SLC10A7: variants seen among roughly 807,000 people sequenced by gnomAD.
SLC10A7 encodes the protein sodium/bile acid cotransporter 7.
SLC10A7 carries 29 observed loss-of-function variants against 43.2 expected under a neutral mutation model. The ratio of observed to expected loss-of-function variants is 0.67; its 90% CI spans 0.50 to 0.92. The LOEUF (loss-of-function observed/expected upper bound fraction) is 0.92. SLC10A7 is among the 40% of genes least tolerant of loss of function. The pLI, the probability that SLC10A7 is intolerant of heterozygous loss-of-function variation, is 0.00. For synonymous variants in SLC10A7, 152 were observed against 144.8 expected (o/e 1.05, Z -0.35); for missense variants, 295 against 403.2 (o/e 0.73, Z 2.30).
intron 6 of SLC10A7, among the ~76,000 whole-genome samples, chr4:146,308,201 C>G (rs564655396): frequency 6.6e-6 from 1 of 152,094 alleles, no homozygotes; most frequent in Non-Finnish European, 1.5e-5. Flanking sequence ...TGAAGACAGA[C>G]GAGGTATGGC....
chr4:146,331,098 C>G (rs1352551468), intron 5 of SLC10A7, among the ~76,000 whole-genome samples: 4 of 152,086 alleles, frequency 2.6e-5, no homozygotes, highest in African/African-American at 9.7e-5. Flanking sequence ...TTCTCTAGGA[C>G]AAAAGTCCTC....
chr4:146,490,916 T>C (rs1735337032), intron 4 of SLC10A7, among the ~76,000 whole-genome samples: 1 of 152,218 alleles, frequency 6.6e-6, no homozygotes, highest in Non-Finnish European at 1.5e-5. Flanking sequence ...TCCTGCCATT[T>C]CTATTAAGGC....
At chr4:146,337,864 AAC>A (rs1435948761) in intron 5 of SLC10A7, among the ~76,000 whole-genome samples, 7 of 151,902 alleles carry the variant, frequency 4.6e-5, no homozygotes, top group African/African-American at 1.5e-4. Flanking sequence ...ATATTTAAGA[AAC>A]AGATTGTAGA....
intron 4 of SLC10A7, among the ~76,000 whole-genome samples, chr4:146,454,366 A>G (rs1004516483): frequency 1.3e-5 from 2 of 151,846 alleles, no homozygotes; most frequent in Non-Finnish European, 2.9e-5. Flanking sequence ...AAATACTATG[A>G]CAATCCCTTT....
intron 10 of SLC10A7, among the ~76,000 whole-genome samples, chr4:146,265,990 A>G (rs1212762737): frequency 6.6e-6 from 1 of 152,238 alleles, no homozygotes; most frequent in Non-Finnish European, 1.5e-5. Flanking sequence ...AGTATACTCC[A>G]ATCACCTGGA....
At chr4:146,433,882 A>T (rs1453469223) in intron 5 of SLC10A7, among the ~76,000 whole-genome samples, 1 of 152,120 alleles carries the variant, frequency 6.6e-6, no homozygotes, top group Non-Finnish European at 1.5e-5. Context: ...TTGGTTCAAC[A>T]TTTCCAGGGG....
chr4:146,409,603 A>T (rs1728016891), intron 5 of SLC10A7, among the ~76,000 whole-genome samples: 1 of 152,136 alleles, frequency 6.6e-6, no homozygotes, highest in South Asian at 2.1e-4. Context: ...AAAAAGGATG[A>T]ATTTTACTCT....
intron 4 of SLC10A7, among the ~76,000 whole-genome samples, chr4:146,491,986 G>A (rs1232806251): frequency 6.6e-6 from 1 of 152,196 alleles, no homozygotes. Flanking sequence ...GGGAGGCTGA[G>A]GCGGGCGGAT....
At chr4:146,397,978 G>A (rs1255618978) in intron 5 of SLC10A7, among the ~76,000 whole-genome samples, 1 of 152,198 alleles carries the variant, frequency 6.6e-6, no homozygotes, top group Non-Finnish European at 1.5e-5. Context: ...GTAAAGCAAA[G>A]TTCGCTCTTC....
intron 1 of SLC10A7, 64 bp downstream of exon 1, chr4:146,521,554 C>T (rs1738662207): frequency 1.4e-6 from 2 of 1,423,086 alleles, no homozygotes; most frequent in African/African-American, 2.8e-5. Context: ...CCCACCTTTC[C>T]AAGACTCACA....
chr4:146,331,105 C>G (rs775415347), intron 5 of SLC10A7, among the ~76,000 whole-genome samples: 1 of 152,068 alleles, frequency 6.6e-6, no homozygotes, highest in Non-Finnish European at 1.5e-5. Flanking sequence ...GGACAAAAGT[C>G]CTCAGTTCCT....
intron 4 of SLC10A7, among the ~76,000 whole-genome samples, chr4:146,455,852 T>A (rs1428533867): frequency 6.6e-6 from 1 of 151,912 alleles, no homozygotes; most frequent in African/African-American, 2.4e-5. Flanking sequence ...AGTTCTTTCC[T>A]TTTCTGACTT....
At position 146,260,886 on chromosome 4, in the gene SLC10A7, C is replaced by T. The variant is rs80027036; in HGVS notation, c.848-2049G>A. Among the ~76,000 whole-genome samples, 241 of 152,002 alleles carry T rather than the reference C, an allele frequency of 1.6e-3. 2 individuals carry two copies. In the East Asian group the frequency reaches 0.024, roughly 15 times the overall value. On this transcript the variant is annotated intron_variant, in intron 10 of 11. Coordinates refer to ENST00000335472, the MANE Select transcript of SLC10A7 (RefSeq NM_001029998.6). Reference sequence around the variant, plus strand: ...CAGGGGCAGTATGGTGTCAAACTCCCGTGCTCGCCACACCAGGACGTCCCT... The same window carrying T: ...CAGGGGCAGTATGGTGTCAAACTCCTGTGCTCGCCACACCAGGACGTCCCT...
chr4:146,478,286 C>T (rs944356308), intron 4 of SLC10A7: 6 of 152,204 alleles, frequency 3.9e-5, no homozygotes, highest in African/African-American at 1.4e-4. Context: ...AGAAATGACA[C>T]CAGGCAAGGA....
chr4:146,409,498 C>G (rs1727995250), intron 5 of SLC10A7, among the ~76,000 whole-genome samples: 1 of 151,894 alleles, frequency 6.6e-6, no homozygotes, highest in Non-Finnish European at 1.5e-5. Context: ...CAAAAGGGCA[C>G]AGGGAAACTT....
intron 5 of SLC10A7, among the ~76,000 whole-genome samples, chr4:146,385,631 G>T (rs1737940012): frequency 6.6e-6 from 1 of 152,074 alleles, no homozygotes; most frequent in Non-Finnish European, 1.5e-5. Context: ...GATGCAAGGG[G>T]TACACATGCA....
Position 146,447,583 on chromosome 4 carries a change from T to G in SLC10A7, c.397-4762A>C, listed in dbSNP as rs182613349. ...AACTGAATGTCCTACACAGTAATGT[T>G]TTTATTATTAACTCATAAAATCCCA... On this transcript the variant is annotated intron_variant, in intron 4 of 11. Transcript: ENST00000335472. Among the ~76,000 whole-genome samples the G allele has an allele frequency of 3.1e-3, 469 of 152,280 alleles. 2 individuals are homozygous for G. Among genetic ancestry groups the G allele is most frequent in the African/African-American group, 0.011 (437 of 41,544 alleles).
intron 5 of SLC10A7, among the ~76,000 whole-genome samples, chr4:146,336,075 T>C (rs1646838709): frequency 6.6e-6 from 1 of 152,110 alleles, no homozygotes; most frequent in Admixed American, 6.6e-5. Context: ...TGGATTTAGA[T>C]TCTAGAGCAG....
intron 5 of SLC10A7, among the ~76,000 whole-genome samples, chr4:146,342,230 T>C (rs1249745163): frequency 6.6e-6 from 1 of 151,800 alleles, no homozygotes; most frequent in Non-Finnish European, 1.5e-5. Flanking sequence ...TTTATTTGAC[T>C]GATTTTATTT....
Sources: allele counts gnomAD v4.1 joint callset (sites outside exome capture counted in the v4.1 genomes callset), GRCh38; gene constraint gnomAD v4.1.1; transcripts MANE v1.5; gene names NCBI Gene and HGNC (gene_info 2026-07-23, HGNC 2026-07-21).